EPM2A: variants seen among roughly 807,000 people sequenced by gnomAD.
EPM2A encodes laforin.
EPM2A carries 21 observed loss-of-function variants against 26.5 expected under a neutral mutation model. The observed-to-expected ratio is 0.79, with a 90% CI of 0.56 to 1.14. EPM2A has a LOEUF of 1.14. Among genes scored for constraint, EPM2A ranks in the 50% most tolerant of loss-of-function variants. The pLI is 0.00. For missense variants in EPM2A, 458 were observed against 440.8 expected, an observed-to-expected ratio of 1.04 and a Z score of -0.35; for synonymous variants, 217 against 177.6, an observed-to-expected ratio of 1.22 and a Z score of -1.76.
chr6:145,663,299 C>T (rs1250278577), intron 2 of EPM2A, among the ~76,000 whole-genome samples: 4 of 152,158 alleles, frequency 2.6e-5, no homozygotes, highest in East Asian at 1.9e-4. Flanking sequence ...CAGCTCCCAG[C>T]GTGAGCGACG....
chr6:145,643,329 T>C (rs1428329989), intron 2 of EPM2A, among the ~76,000 whole-genome samples: 2 of 152,184 alleles, frequency 1.3e-5, no homozygotes, highest in Admixed American at 1.3e-4. Flanking sequence ...GGCCTGCATA[T>C]GGCCCAAAAC....
At chr6:145,450,613 T>TG (rs1779184833) in intron 4 of EPM2A, among the ~76,000 whole-genome samples, 1 of 152,160 alleles carries the variant, frequency 6.6e-6, no homozygotes, top group Non-Finnish European at 1.5e-5. Flanking sequence ...TAAATGTTCT[T>TG]GGGGAAATTC....
At chr6:145,485,874 G>A (rs403584) in intron 4 of EPM2A, among the ~76,000 whole-genome samples, 82,987 of 151,978 alleles carry the variant, frequency 0.55, 23,363 homozygotes, top group African/African-American at 0.69. Flanking sequence ...ACCAAGTAAA[G>A]GGGGATTCCC....
intron 2 of EPM2A, among the ~76,000 whole-genome samples, chr6:145,668,496 G>A (rs1244485555): frequency 2.0e-5 from 3 of 152,066 alleles, no homozygotes; most frequent in African/African-American, 7.2e-5. Flanking sequence ...ATGAAAATAG[G>A]CACGATTTTT....
At chr6:145,436,007 G>T (rs968383629) in intron 4 of EPM2A, among the ~76,000 whole-genome samples, 2 of 151,970 alleles carry the variant, frequency 1.3e-5, no homozygotes, top group Non-Finnish European at 2.9e-5. Context: ...ACATTCAATG[G>T]GTTTTTACAA....
chr6:145,551,453 G>A (rs1780654516), intron 2 of EPM2A, among the ~76,000 whole-genome samples: 1 of 152,054 alleles, frequency 6.6e-6, no homozygotes, highest in African/African-American at 2.4e-5. Context: ...CCTTTAAAAA[G>A]CAGATACCTA....
intron 2 of EPM2A, among the ~76,000 whole-genome samples, chr6:145,685,094 A>G (rs1318431708): frequency 3.3e-5 from 5 of 152,214 alleles, no homozygotes; most frequent in Non-Finnish European, 7.3e-5. Flanking sequence ...TCTACAATAA[A>G]TAACACTTAC....
At chr6:145,628,881 C>T (rs1776032256) in intron 3 of EPM2A, 1 of 152,246 alleles carries the variant, frequency 6.6e-6, no homozygotes, top group South Asian at 2.1e-4. Context: ...ACAAGTGCCC[C>T]TGAAGGAGCC....
At chr6:145,445,789 T>G (rs1779121207) in intron 4 of EPM2A, among the ~76,000 whole-genome samples, 1 of 152,190 alleles carries the variant, frequency 6.6e-6, no homozygotes, top group Admixed American at 6.5e-5. Context: ...ATGTAGCAGT[T>G]AAAAATGGCT....
intron 4 of EPM2A, among the ~76,000 whole-genome samples, chr6:145,389,425 C>T (rs1046315559): frequency 2.6e-5 from 4 of 152,018 alleles, no homozygotes; most frequent in Admixed American, 1.3e-4. Context: ...TTCCTGACAT[C>T]GGGTGATCTG....
At chr6:145,675,529 T>G (rs991841393) in intron 2 of EPM2A, among the ~76,000 whole-genome samples, 2 of 152,148 alleles carry the variant, frequency 1.3e-5, no homozygotes, top group Non-Finnish European at 2.9e-5. Flanking sequence ...GTGTGCTGTA[T>G]TCAGGAGACC....
intron 2 of EPM2A, among the ~76,000 whole-genome samples, chr6:145,584,122 A>G (rs910626507): frequency 6.6e-6 from 1 of 152,218 alleles, no homozygotes; most frequent in Non-Finnish European, 1.5e-5. Context: ...ATGTGCGTGC[A>G]TCGGCAAAGC....
Position 145,438,325 on chromosome 6 carries a change from A to G in EPM2A, c.556-54228T>C, listed in dbSNP as rs542886838. On this transcript the variant is annotated intron_variant, in intron 4 of 4. Transcript: ENST00000638717. ...GTATTCTCCCTGTCCTGCTAACTGT[A>G]ATTGTGTGCTTATCTCTCCCCTGAG... Among the ~76,000 whole-genome samples the G allele has an allele frequency of 6.5e-4, 99 of 152,234 alleles. 1 individual carries two copies. Among genetic ancestry groups the G allele is most frequent in the African/African-American group, 2.3e-3 (95 of 41,532 alleles).
chr6:145,733,466 A>C (rs935535441), intron 1 of EPM2A, among the ~76,000 whole-genome samples: 1 of 152,166 alleles, frequency 6.6e-6, no homozygotes, highest in African/African-American at 2.4e-5. Context: ...GGTAACTATT[A>C]GAAAAATTAA....
chr6:145,386,198 A>C (rs1377943115), intron 4 of EPM2A, among the ~76,000 whole-genome samples: 1 of 152,174 alleles, frequency 6.6e-6, no homozygotes. Context: ...TTATTTTAAT[A>C]GAAGCATAGT....
At chr6:145,613,839 G>T (rs1355334695) in intron 2 of EPM2A, among the ~76,000 whole-genome samples, 1 of 152,180 alleles carries the variant, frequency 6.6e-6, no homozygotes, top group South Asian at 2.1e-4. Context: ...AGGCAGATAA[G>T]ATTTAGCATA....
At chr6:145,540,464 T>A (rs534571889) in intron 2 of EPM2A, among the ~76,000 whole-genome samples, 7 of 152,294 alleles carry the variant, frequency 4.6e-5, no homozygotes, top group African/African-American at 1.7e-4. Flanking sequence ...CCCTGTTACT[T>A]GGTGTGAATC....
intron 4 of EPM2A, among the ~76,000 whole-genome samples, chr6:145,470,886 A>G (rs942170957): frequency 1.3e-5 from 2 of 152,184 alleles, no homozygotes; most frequent in African/African-American, 4.8e-5. Context: ...AATGTCTTAA[A>G]GCAATAATTA....
intron 4 of EPM2A, among the ~76,000 whole-genome samples, chr6:145,452,018 T>C (rs1227192687): frequency 6.6e-6 from 1 of 152,166 alleles, no homozygotes; most frequent in Admixed American, 6.5e-5. Context: ...CTTGCTAGCA[T>C]TCTCCTTCCC....
Sources: gnomAD v4.1 joint callset for allele counts (sites outside exome capture counted in the v4.1 genomes callset) on GRCh38, gnomAD v4.1.1 for gene constraint, MANE v1.5 for transcripts, NCBI Gene and HGNC (gene_info 2026-07-23, HGNC 2026-07-21) for gene names.